Variants in NPLOC4 observed in about 807,000 individuals in gnomAD.
The protein encoded by NPLOC4 is NPL4 homolog, ubiquitin recognition factor.
Under a neutral mutation model 80.6 loss-of-function variants are expected in NPLOC4, and 18 were observed. The ratio of observed to expected loss-of-function variants is 0.22; its 90% CI spans 0.15 to 0.33. The LOEUF is 0.33. Ranked by LOEUF, NPLOC4 falls within the 10% of genes least tolerant of loss-of-function variation. The probability of loss-of-function intolerance (pLI) is 1.00; values close to 1 mark genes in which losing one functional copy is unlikely to be tolerated. For missense variants in NPLOC4, 540 were observed against 786.1 expected (o/e 0.69, Z 3.74); for synonymous variants, 313 against 301.5 (o/e 1.04, Z -0.39).
intron 16 of NPLOC4, chr17:81,560,919 G>A (rs973166328): frequency 7.2e-5 from 11 of 151,998 alleles, no homozygotes; most frequent in African/African-American, 2.4e-4. Context: ...AATGTGTAAC[G>A]GCTTCTCATG....
chr17:81,559,585 C>T (rs939464553), intron 16 of NPLOC4, among the ~76,000 whole-genome samples, 169 bp from the exon 17 acceptor site: 1 of 152,198 alleles, frequency 6.6e-6, no homozygotes, highest in Admixed American at 6.5e-5. Context: ...CTTTGAAGTG[C>T]TTAATGCCCT....
intron 13 of NPLOC4, 45 bp from the exon 14 acceptor site, chr17:81,569,156 G>A: frequency 7.4e-7 from 1 of 1,346,818 alleles, no homozygotes; most frequent in Non-Finnish European, 1.1e-6. Context: ...GGCTGAAAAT[G>A]GTGTGGCCGA....
chr17:81,628,686 A>C (rs1031454108), intron 2 of NPLOC4, among the ~76,000 whole-genome samples: 2 of 152,186 alleles, frequency 1.3e-5, no homozygotes, highest in Non-Finnish European at 2.9e-5. Flanking sequence ...AATCCATGGG[A>C]AAAGTAAATA....
intron 5 of NPLOC4, chr17:81,609,035 C>T (rs887109136): frequency 1.1e-5 from 5 of 451,990 alleles, no homozygotes; most frequent in Admixed American, 7.3e-5. Flanking sequence ...TGTTTTGAGA[C>T]GGAGTCTCAC....
rs1481581490 is a variant in NPLOC4 at position 81,559,184 on chromosome 17, A to C, written c.*75T>G. ...TGCCCACTATGGGGCAGTTACAGGG[A>C]ACACACTCAGCAACGCTTCTGGCTT... On this transcript the variant is annotated 3_prime_UTR_variant, in exon 17 of 17. Coordinates refer to ENST00000331134, the MANE Select transcript of NPLOC4 (RefSeq NM_017921.4). 6.8e-7 allele frequency: 1 copy of C among 1,474,890 alleles called. No individual in the cohort carries two copies. Among genetic ancestry groups the C allele is most frequent in the Non-Finnish European group, 9.1e-7 (1 of 1,102,338 alleles). 91.4% of individuals were successfully genotyped at this position (1,474,890 alleles called of 1,614,324 possible). A position where few individuals can be genotyped will look rare whatever the true frequency, so the allele number is the denominator to read the frequency against.
chr17:81,586,208 C>A (rs2034578415), intron 12 of NPLOC4, among the ~76,000 whole-genome samples: 1 of 152,126 alleles, frequency 6.6e-6, no homozygotes, highest in African/African-American at 2.4e-5. Context: ...TCCCTCCCCT[C>A]CTGCAGGAAG....
intron 11 of NPLOC4, among the ~76,000 whole-genome samples, chr17:81,595,090 C>G (rs62074668): frequency 0.071 from 10,774 of 152,056 alleles, 523 homozygotes; most frequent in Middle Eastern, 0.17. Flanking sequence ...GAGATGGGGA[C>G]TTGCCATGTT....
chr17:81,608,886 TCTGCTACGCACAGGG>T, intron 5 of NPLOC4, 64 bp from the exon 6 acceptor site: 1 of 1,318,932 alleles, frequency 7.6e-7, no homozygotes, highest in Non-Finnish European at 1.1e-6. Flanking sequence ...GCGCTGAGCC[TCTGCTACGCACAGGG>T]GGAGGCCAGC....
At chr17:81,578,386 G>A (rs1207371574) in intron 12 of NPLOC4, among the ~76,000 whole-genome samples, 3 of 152,190 alleles carry the variant, frequency 2.0e-5, no homozygotes, top group Admixed American at 6.5e-5. Context: ...CAAGAAGAGG[G>A]ACCATGAGGG....
chr17:81,620,738 G>A (rs367982123), intron 3 of NPLOC4, among the ~76,000 whole-genome samples: 7 of 152,114 alleles, frequency 4.6e-5, no homozygotes, highest in East Asian at 1.9e-4. Flanking sequence ...CAAGAGCAGC[G>A]GGACAAGCGT....
At chr17:81,565,691 C>A in intron 15 of NPLOC4, 84 bp from the exon 16 acceptor site, 2 of 990,002 alleles carry the variant, frequency 2.0e-6, no homozygotes, top group East Asian at 2.7e-5. Flanking sequence ...TTCTCCCCAA[C>A]ATCAAGACGT....
intron 8 of NPLOC4, among the ~76,000 whole-genome samples, chr17:81,601,279 C>T (rs908822293): frequency 6.6e-6 from 1 of 152,170 alleles, no homozygotes; most frequent in African/African-American, 2.4e-5. Flanking sequence ...TGGCAAACCA[C>T]AAAGAAGTTT....
At position 81,600,323 on chromosome 17, in the gene NPLOC4, T is replaced by C. The variant is rs1196156242; in HGVS notation, c.921+18A>G. ...AGCCTGGCCACGCCCCCTGCTTGGC[T>C]GCCGGATGCCTCAGTACCTTCCGCA... On this transcript the variant is annotated intron_variant, in intron 9 of 16. Coordinates refer to ENST00000331134, the MANE Select transcript of NPLOC4 (RefSeq NM_017921.4). 1 of 1,596,668 alleles carries C rather than the reference T, an allele frequency of 6.3e-7. No homozygotes were observed. Among genetic ancestry groups the C allele is most frequent in the Non-Finnish European group, 8.5e-7 (1 of 1,170,266 alleles).
At chr17:81,562,918 A>G (rs1238353331) in intron 16 of NPLOC4, 1 of 151,300 alleles carries the variant, frequency 6.6e-6, no homozygotes, top group East Asian at 2.0e-4. Flanking sequence ...AGCCTGGGTG[A>G]CAGAGTGAGA....
At chr17:81,569,753 G>A (rs1450279843) in intron 13 of NPLOC4, among the ~76,000 whole-genome samples, 2 of 152,212 alleles carry the variant, frequency 1.3e-5, no homozygotes, top group Non-Finnish European at 2.9e-5. Flanking sequence ...GGCCAGCTAA[G>A]TCCTTCAGTC....
intron 6 of NPLOC4, 59 bp downstream of exon 6, chr17:81,608,669 C>T: frequency 7.7e-7 from 1 of 1,296,664 alleles, no homozygotes; most frequent in Non-Finnish European, 1.1e-6. Context: ...CTATAAGCAA[C>T]AACTGCCAGC....
chr17:81,569,023 T>G lies in NPLOC4; in HGVS notation c.1442A>C (p.Glu481Ala). 6.3e-7 allele frequency: 1 copy of G among 1,598,874 alleles called. No individual in the cohort carries two copies. The highest frequency in any genetic ancestry group is 8.6e-7 in the Non-Finnish European group (1 of 1,166,246). ...TAAAGACAAAGAGCTCACCTGTGTC[T>G]CACCCAATACATCCCGGTTTTCAAT... ...FPIENRDVLGETQDFHSLATY... is the reference protein window; with the variant it reads ...FPIENRDVLGATQDFHSLATY... The change falls in exon 14 of 17, where the codon GAG becomes GCG. Residue 481 changes from glutamate (E) to alanine (A), a missense_variant. This residue lies in a region of NPLOC4 where 251 missense variants were observed against 377.5 expected (regional missense o/e 0.66). Coordinates refer to ENST00000331134, the MANE Select transcript of NPLOC4 (RefSeq NM_017921.4).
In NPLOC4 at chr17:81,596,800, A is replaced by G. The variant is rs76512198; in HGVS notation, c.993+445T>C. Among the ~76,000 whole-genome samples the G allele has an allele frequency of 9.1e-3, 1,381 of 152,282 alleles. 21 individuals are homozygous for G. The highest frequency in any genetic ancestry group is 0.031 in the African/African-American group (1,294 of 41,554). ...CAAGAGATCCGGCCTTCATTGATCA[A>G]GAAGAACTTCTTGAAAAATAATGGG... On this transcript the variant is annotated intron_variant, in intron 10 of 16. Transcript: ENST00000331134.
At chr17:81,624,647 A>G (rs62074732) in intron 2 of NPLOC4, among the ~76,000 whole-genome samples, 14,422 of 152,172 alleles carry the variant, frequency 0.095, 753 homozygotes, top group Middle Eastern at 0.17. Context: ...CAAGCAGTTT[A>G]CCAACAAATG....
Sources: allele counts gnomAD v4.1 joint callset (sites outside exome capture counted in the v4.1 genomes callset), GRCh38; gene constraint gnomAD v4.1.1; regional missense constraint gnomAD v4.1.1; transcripts MANE v1.5; gene names NCBI Gene and HGNC (gene_info 2026-07-23, HGNC 2026-07-21).